ERC2: variants seen among roughly 807,000 people sequenced by gnomAD.
The protein encoded by ERC2 is ERC protein 2.
ERC2 carries 42 observed loss-of-function variants against 114.8 expected under a neutral mutation model. The observed-to-expected ratio is 0.37, with a 90% CI of 0.29 to 0.47. The LOEUF (loss-of-function observed/expected upper bound fraction) is 0.47. Among genes scored for constraint, ERC2 ranks in the 20% least tolerant of loss-of-function variants. The pLI is 0.99. For missense variants in ERC2, 939 were observed against 1,150.7 expected (o/e 0.82, Z 2.66); for synonymous variants, 454 against 425.5 (o/e 1.07, Z -0.82).
intron 17 of ERC2, among the ~76,000 whole-genome samples, chr3:55,548,499 ACACTTGCTCT>A (rs1424359876): frequency 6.6e-6 from 1 of 152,126 alleles, no homozygotes; most frequent in African/African-American, 2.4e-5. Context: ...CCCATGTGCC[ACACTTGCTCT>A]CACTTAAGTC....
rs377187444 is a variant in ERC2, at chr3:55,622,071, G to A, written c.*39+61723C>T. ...AGAATTTTTCCATCCGAATCTGTTT[G>A]CTTCGTACCGCCATCCATAGCTGGC... On this transcript the variant is annotated intron_variant, in intron 17 of 17. Transcript: ENST00000288221. Among the ~76,000 whole-genome samples, 21 of 152,278 alleles carry A rather than the reference G, an allele frequency of 1.4e-4. No individual in the cohort carries two copies. In the East Asian group the frequency reaches 4.1e-3, roughly 29 times the overall value.
chr3:56,371,722 T>C (rs1355004210), intron 2 of ERC2, among the ~76,000 whole-genome samples: 1 of 152,108 alleles, frequency 6.6e-6, no homozygotes. Flanking sequence ...CCTATTAATA[T>C]CCCCTCCCTT....
At chr3:56,011,857 G>T (rs1280579089) in intron 8 of ERC2, among the ~76,000 whole-genome samples, 1 of 152,100 alleles carries the variant, frequency 6.6e-6, no homozygotes, top group Non-Finnish European at 1.5e-5. Flanking sequence ...AGTATTTAAT[G>T]CAGAGGGAAG....
intron 14 of ERC2, among the ~76,000 whole-genome samples, chr3:55,867,150 T>TTCCTTTCCTTCCTTCCC (rs1234482330): frequency 1.5e-4 from 23 of 151,912 alleles, no homozygotes; most frequent in Non-Finnish European, 3.2e-4. Context: ...CCTTCCTTCC[T>TTCCTTTCCTTCCTTCCC]AAGTCCCTTC....
At chr3:55,917,774 A>T (rs1276846154) in intron 13 of ERC2, among the ~76,000 whole-genome samples, 1 of 152,298 alleles carries the variant, frequency 6.6e-6, no homozygotes, top group Admixed American at 6.5e-5. Flanking sequence ...TAAATGGTGA[A>T]TTGCATGGTA....
At chr3:55,961,638 A>T (rs551547911) in intron 12 of ERC2, among the ~76,000 whole-genome samples, 2 of 152,226 alleles carry the variant, frequency 1.3e-5, no homozygotes, top group South Asian at 4.2e-4. Context: ...TATTTCTGGA[A>T]CTGACCCTCA....
chr3:55,842,049 G>C (rs563266752), intron 14 of ERC2, among the ~76,000 whole-genome samples: 3 of 152,146 alleles, frequency 2.0e-5, no homozygotes, highest in Non-Finnish European at 2.9e-5. Context: ...CAACTGTTGC[G>C]TGAATGAATG....
At position 56,275,999 on chromosome 3, in the gene ERC2, T is replaced by A. The variant is rs181597773; in HGVS notation, c.1074+20020A>T. 1.6e-4 allele frequency among the ~76,000 whole-genome samples: 24 copies of A among 152,324 alleles called. No homozygotes were observed. In the South Asian group the frequency reaches 4.6e-3, roughly 29 times the overall value. ...TTAGAGGGCCTGAGTTCATTTAGAC[T>A]TCTTTCAAAGCCGCTGTAGATTTGC... On this transcript the variant is annotated intron_variant, in intron 3 of 17. Coordinates refer to ENST00000288221, the MANE Select transcript of ERC2 (RefSeq NM_015576.3).
intron 14 of ERC2, among the ~76,000 whole-genome samples, chr3:55,784,976 A>C (rs2069366383): frequency 6.6e-6 from 1 of 152,192 alleles, no homozygotes. Context: ...AAGACATTTA[A>C]AGGCATAACC....
At chr3:56,023,265 C>T (rs1328953815) in intron 7 of ERC2, among the ~76,000 whole-genome samples, 1 of 152,104 alleles carries the variant, frequency 6.6e-6, no homozygotes, top group African/African-American at 2.4e-5. Context: ...GCATGACTTC[C>T]TTCCTTAGAA....
At chr3:56,081,167 G>A (rs1402863843) in intron 6 of ERC2, among the ~76,000 whole-genome samples, 183 bp from the exon 7 acceptor site, 1 of 150,362 alleles carries the variant, frequency 6.7e-6, no homozygotes, top group African/African-American at 2.4e-5. Context: ...AAGCCCTATT[G>A]TGTGCACATC....
intron 17 of ERC2, among the ~76,000 whole-genome samples, chr3:55,596,816 A>C (rs2058161214): frequency 6.6e-6 from 1 of 152,212 alleles, no homozygotes; most frequent in South Asian, 2.1e-4. Flanking sequence ...TATACAATTA[A>C]AAGTATATCC....
intron 3 of ERC2, among the ~76,000 whole-genome samples, chr3:56,192,778 G>A (rs1489830901): frequency 6.6e-6 from 1 of 152,140 alleles, no homozygotes; most frequent in Non-Finnish European, 1.5e-5. Context: ...GCCTGAAGAA[G>A]GTGACCCATT....
At position 55,810,794 on chromosome 3, in the gene ERC2, A is replaced by G. The variant is rs563404553; in HGVS notation, c.2565-75876T>C. On this transcript the variant is annotated intron_variant, in intron 14 of 17. Transcript: ENST00000288221. ...TCTTAATGAAAATAAATGCATATCTATATGATACCTTAATGGGTATATTGT... is the reference window on the plus strand; with the variant it reads ...TCTTAATGAAAATAAATGCATATCTGTATGATACCTTAATGGGTATATTGT... Among the ~76,000 whole-genome samples, 24 of 152,288 alleles carry G rather than the reference A, an allele frequency of 1.6e-4. No individual in the cohort carries two copies. The South Asian group carries it at 3.9e-3, about 25-fold the overall frequency.
At chr3:55,702,890 GCACTTAGGAAC>G (rs2063300382) in intron 15 of ERC2, among the ~76,000 whole-genome samples, 1 of 152,176 alleles carries the variant, frequency 6.6e-6, no homozygotes, top group South Asian at 2.1e-4. Flanking sequence ...CCACAGCATA[GCACTTAGGAAC>G]TCAGGGACTC....
intron 17 of ERC2, among the ~76,000 whole-genome samples, chr3:55,650,638 T>C (rs1332861944): frequency 6.6e-6 from 1 of 152,216 alleles, no homozygotes; most frequent in African/African-American, 2.4e-5. Flanking sequence ...ATTTACTGCT[T>C]GTTTACCTGG....
chr3:56,264,448 T>C (rs1305344388), intron 3 of ERC2, among the ~76,000 whole-genome samples: 1 of 151,924 alleles, frequency 6.6e-6, no homozygotes, highest in African/African-American at 2.4e-5. Flanking sequence ...AATACAAAAA[T>C]TAGCTGGGAA....
chr3:55,944,423 C>T (rs2067002823), intron 13 of ERC2, among the ~76,000 whole-genome samples: 3 of 152,140 alleles, frequency 2.0e-5, no homozygotes, highest in Non-Finnish European at 4.4e-5. Context: ...TACAGAAAGC[C>T]TATATGAAGT....
intron 11 of ERC2, among the ~76,000 whole-genome samples, chr3:55,986,811 C>A (rs2070677983): frequency 1.3e-5 from 2 of 151,144 alleles, no homozygotes; most frequent in African/African-American, 4.9e-5. Flanking sequence ...AAAATAAAAA[C>A]AAGCAAACAA....
Sources: allele counts gnomAD v4.1 joint callset (sites outside exome capture counted in the v4.1 genomes callset), GRCh38; gene constraint gnomAD v4.1.1; transcripts MANE v1.5; gene names NCBI Gene and HGNC (gene_info 2026-07-23, HGNC 2026-07-21).